Variants in SAMD12 observed in about 807,000 individuals in gnomAD.
SAMD12 encodes the protein sterile alpha motif domain containing 12.
SAMD12 carries 9 observed loss-of-function variants against 15.0 expected under a neutral mutation model. The observed-to-expected ratio is 0.60, with a 90% CI of 0.36 to 1.05. The LOEUF (loss-of-function observed/expected upper bound fraction) is 1.05, where lower values mean the gene tolerates loss of function less well. Ranked by LOEUF, SAMD12 falls within the 50% of genes least tolerant of loss-of-function variation. SAMD12 has a pLI of 0.01. For missense variants in SAMD12, 230 were observed against 234.2 expected (o/e 0.98, Z 0.12); for synonymous variants, 86 against 90.1 (o/e 0.96, Z 0.25).
At chr8:118,539,141 T>TAGC (rs1825925902) in intron 2 of SAMD12, among the ~76,000 whole-genome samples, 1 of 152,264 alleles carries the variant, frequency 6.6e-6, no homozygotes, top group East Asian at 1.9e-4. Flanking sequence ...TGCATTGCTT[T>TAGC]AGCAGCAAGA....
chr8:118,269,573 G>T (rs559351693), intron 4 of SAMD12, among the ~76,000 whole-genome samples: 1 of 152,178 alleles, frequency 6.6e-6, no homozygotes, highest in South Asian at 2.1e-4. Flanking sequence ...GTCTATGGCT[G>T]CTTTCAGGTT....
chr8:118,290,513 A>G (rs1814304957), intron 4 of SAMD12, among the ~76,000 whole-genome samples: 1 of 152,202 alleles, frequency 6.6e-6, no homozygotes, highest in East Asian at 1.9e-4. Context: ...TTCTTAGAAA[A>G]AGCCAAGAAA....
At chr8:118,601,840 A>T (rs1827872705) in intron 1 of SAMD12, among the ~76,000 whole-genome samples, 1 of 152,212 alleles carries the variant, frequency 6.6e-6, no homozygotes, top group Non-Finnish European at 1.5e-5. Flanking sequence ...AACAGAGGAA[A>T]GAAAGCTAAT....
At chr8:118,567,189 G>A (rs1826876495) in intron 2 of SAMD12, among the ~76,000 whole-genome samples, 1 of 152,128 alleles carries the variant, frequency 6.6e-6, no homozygotes, top group South Asian at 2.1e-4. Context: ...CACTAAAGCA[G>A]AGAGAGTAAG....
At chr8:118,363,726 T>C (rs1818623173) in intron 4 of SAMD12, among the ~76,000 whole-genome samples, 1 of 152,208 alleles carries the variant, frequency 6.6e-6, no homozygotes, top group South Asian at 2.1e-4. Context: ...TATACATACA[T>C]ACATTCTTAT....
In SAMD12 at chr8:118,379,661, C is replaced by T. The variant is rs918457365; in HGVS notation, c.362G>A (p.Arg121Gln). 3.7e-6 allele frequency: 6 copies of T among 1,613,744 alleles called. No homozygotes were observed. Among genetic ancestry groups the T allele is most frequent in the African/African-American group, 2.7e-5 (2 of 74,906 alleles). ...GAGGTTCTCCTGGGCAATCCCCATT[C>T]GCTCGAGCTTTTTGTCAGTAAGTCT... ...LLRLTDKKLE[R>Q]MGIAQENLRQ... is the part of the protein sequence containing the mutation. The change falls in exon 4 of 4, where the codon CGA becomes CAA. Residue 121 changes from arginine (R) to glutamine (Q), a missense_variant. Transcript: ENST00000314727.
the SAMD12 span, among the ~76,000 whole-genome samples, chr8:118,134,583 ACT>A: frequency 4.6e-5 from 7 of 152,054 alleles, no homozygotes; most frequent in South Asian, 2.1e-4. Flanking sequence ...TGAACCAGAA[ACT>A]CTGGAGCAGG....
the SAMD12 span, among the ~76,000 whole-genome samples, chr8:118,132,394 C>G: frequency 6.6e-6 from 1 of 152,180 alleles, no homozygotes; most frequent in Admixed American, 6.5e-5. Context: ...CCAGAGTGTT[C>G]TTTCAATTTA....
chr8:118,136,658 C>T, the SAMD12 span, among the ~76,000 whole-genome samples: 1 of 152,122 alleles, frequency 6.6e-6, no homozygotes, highest in African/African-American at 2.4e-5. Context: ...TCAAAGTTTC[C>T]CTTTGAGGAA....
At chr8:118,314,458 CAT>C (rs769555655) in intron 4 of SAMD12, among the ~76,000 whole-genome samples, 2 of 152,028 alleles carry the variant, frequency 1.3e-5, no homozygotes, top group Non-Finnish European at 2.9e-5. Context: ...AATTTTATCA[CAT>C]ATGTGGCTTT....
At chr8:118,579,208 CTACT>C (rs1827223408) in intron 2 of SAMD12, among the ~76,000 whole-genome samples, 1 of 94,288 alleles carries the variant, frequency 1.1e-5, no homozygotes, top group Non-Finnish European at 2.2e-5. Flanking sequence ...ACTTTTCTCT[CTACT>C]CTAATTTTTA....
At chr8:118,374,824 GT>G (rs76230719), downstream of SAMD12, among the ~76,000 whole-genome samples, 26,334 of 150,528 alleles carry the variant, frequency 0.17, 2,581 homozygotes, top group South Asian at 0.25. Context: ...TATTTGGCTT[GT>G]TTTTTTTTCC....
intron 4 of SAMD12, among the ~76,000 whole-genome samples, chr8:118,362,657 C>T (rs1160146744): frequency 1.3e-5 from 2 of 152,224 alleles, no homozygotes; most frequent in East Asian, 3.9e-4. Flanking sequence ...AAAGAGGGAG[C>T]CTTTAGATGT....
At chr8:118,228,681 T>G (rs1812237614) in intron 4 of SAMD12, among the ~76,000 whole-genome samples, 1 of 152,190 alleles carries the variant, frequency 6.6e-6, no homozygotes, top group South Asian at 2.1e-4. Context: ...ACTTCTACAC[T>G]GCTGGTGGGA....
intron 2 of SAMD12, among the ~76,000 whole-genome samples, chr8:118,525,218 T>C (rs971905970): frequency 1.3e-5 from 2 of 152,162 alleles, no homozygotes; most frequent in Non-Finnish European, 2.9e-5. Context: ...GATTTCTCTC[T>C]GGATAGCACC....
At chr8:118,272,406 G>A (rs1256761050) in intron 4 of SAMD12, among the ~76,000 whole-genome samples, 3 of 152,164 alleles carry the variant, frequency 2.0e-5, no homozygotes, top group Non-Finnish European at 4.4e-5. Context: ...TCTGGGCCTG[G>A]GGCCTGTGAT....
chr8:118,411,540 T>C (rs1432478545), intron 3 of SAMD12, among the ~76,000 whole-genome samples: 1 of 152,150 alleles, frequency 6.6e-6, no homozygotes, highest in African/African-American at 2.4e-5. Context: ...AATTATGTTT[T>C]AAAAGTAGGG....
At chr8:118,486,874 G>A (rs1194500208) in intron 2 of SAMD12, among the ~76,000 whole-genome samples, 1 of 152,214 alleles carries the variant, frequency 6.6e-6, no homozygotes, top group South Asian at 2.1e-4. Context: ...AGGCGTGGCT[G>A]GAGCAGAGGT....
At chr8:118,214,708 T>C (rs957673664) in intron 4 of SAMD12, among the ~76,000 whole-genome samples, 6 of 152,234 alleles carry the variant, frequency 3.9e-5, no homozygotes, top group African/African-American at 1.4e-4. Flanking sequence ...AGTGTTGAAT[T>C]CAATACAAAT....
Sources: gnomAD v4.1 joint callset for allele counts (sites outside exome capture counted in the v4.1 genomes callset) on GRCh38, gnomAD v4.1.1 for gene constraint, MANE v1.5 for transcripts, NCBI Gene and HGNC (gene_info 2026-07-23, HGNC 2026-07-21) for gene names.